Variants in COL23A1 observed in about 807,000 individuals in gnomAD.
COL23A1 encodes collagen type XXIII alpha 1 chain, also known as collagen alpha-1(XXIII) chain.
COL23A1 carries 97 observed loss-of-function variants against 99.3 expected under a neutral mutation model. That is an observed-to-expected ratio of 0.98 (90% CI 0.83 to 1.16). The LOEUF (loss-of-function observed/expected upper bound fraction) is 1.16, where lower values mean the gene tolerates loss of function less well. Among genes scored for constraint, COL23A1 ranks in the 50% most tolerant of loss-of-function variants. The pLI is 0.00. For synonymous variants in COL23A1, 320 were observed against 308.2 expected (o/e 1.04, Z -0.40); for missense variants, 762 against 757.4 (o/e 1.01, Z -0.07).
chr5:178,545,553 G>A (rs888507336), intron 2 of COL23A1, among the ~76,000 whole-genome samples: 3 of 152,100 alleles, frequency 2.0e-5, no homozygotes, highest in African/African-American at 4.8e-5. Flanking sequence ...TTTAACACTC[G>A]GCCTGCCAAT....
intron 2 of COL23A1, among the ~76,000 whole-genome samples, chr5:178,529,505 T>A (rs1190105809): frequency 6.6e-6 from 1 of 152,184 alleles, no homozygotes; most frequent in African/African-American, 2.4e-5. Flanking sequence ...ATGCCTGAAG[T>A]GAGAAATCTA....
At chr5:178,574,086 T>C (rs1193928024) in intron 1 of COL23A1, among the ~76,000 whole-genome samples, 1 of 152,190 alleles carries the variant, frequency 6.6e-6, no homozygotes, top group African/African-American at 2.4e-5. Context: ...CTTGAACTCC[T>C]GACCTCAAGT....
At chr5:178,461,692 G>T (rs908708439) in intron 2 of COL23A1, among the ~76,000 whole-genome samples, 6 of 152,132 alleles carry the variant, frequency 3.9e-5, no homozygotes, top group African/African-American at 7.2e-5. Flanking sequence ...TGTAATACAA[G>T]GTAGAGAACC....
intron 1 of COL23A1, among the ~76,000 whole-genome samples, chr5:178,574,815 A>C (rs970102493): frequency 6.6e-6 from 1 of 152,212 alleles, no homozygotes; most frequent in African/African-American, 2.4e-5. Flanking sequence ...GGAGAGAATG[A>C]GGACACCATC....
At position 178,259,709 on chromosome 5, in the gene COL23A1, G is replaced by T; in HGVS notation, c.729+12C>A. The T allele has an allele frequency of 6.3e-7, 1 of 1,585,602 alleles. No individual in the cohort carries two copies. Among genetic ancestry groups the T allele is most frequent in the Non-Finnish European group, 8.6e-7 (1 of 1,162,502 alleles). ...ACACTGACCCGGAAGCTCCTCCATT[G>T]GCCCCTCTCACCTTCTTTCCAGGTA... On this transcript the variant is annotated intron_variant, in intron 12 of 28. Coordinates refer to ENST00000390654, the MANE Select transcript of COL23A1 (RefSeq NM_173465.4).
intron 2 of COL23A1, among the ~76,000 whole-genome samples, chr5:178,422,751 T>C (rs1765705235): frequency 6.6e-6 from 1 of 152,114 alleles, no homozygotes; most frequent in Non-Finnish European, 1.5e-5. Flanking sequence ...CCCCAAACTG[T>C]CCCTTGTCCT....
intron 2 of COL23A1, among the ~76,000 whole-genome samples, chr5:178,420,349 C>T (rs1765537701): frequency 2.0e-5 from 3 of 151,282 alleles, no homozygotes; most frequent in Non-Finnish European, 4.4e-5. Context: ...CCACTCCCTC[C>T]TCCCCTGCCC....
intron 2 of COL23A1, among the ~76,000 whole-genome samples, chr5:178,541,542 T>A (rs1276313407): frequency 6.6e-6 from 1 of 152,198 alleles, no homozygotes; most frequent in Non-Finnish European, 1.5e-5. Context: ...GCCACTGCAC[T>A]CCAGCCTGGG....
At chr5:178,386,827 A>G (rs757530384) in intron 2 of COL23A1, among the ~76,000 whole-genome samples, 1 of 152,176 alleles carries the variant, frequency 6.6e-6, no homozygotes, top group Non-Finnish European at 1.5e-5. Context: ...GCACACTCCT[A>G]TGGCCGTGGG....
rs61375083 is a variant in COL23A1, at chr5:178,311,511, T to TGTGC, written c.362-4593_362-4592insGCAC. 3.7e-3 allele frequency among the ~76,000 whole-genome samples: 201 copies of TGTGC among 54,234 alleles called. 4 individuals carry two copies. Among genetic ancestry groups the TGTGC allele is most frequent in the African/African-American group, 9.7e-3 (181 of 18,684 alleles). 35.6% of individuals were successfully genotyped at this position (54,234 alleles called of 152,430 possible). A position where few individuals can be genotyped will look rare whatever the true frequency, so the allele number is the denominator to read the frequency against. ...GTGTGTGTGTGTGTGTGTGTGCGCG[T>TGTGC]GTGTGTGTGTGTGTGTGTGTAATGC... On this transcript the variant is annotated intron_variant, in intron 2 of 28. Coordinates refer to ENST00000390654, the MANE Select transcript of COL23A1 (RefSeq NM_173465.4).
chr5:178,279,406 A>G (rs1157335737), intron 5 of COL23A1, among the ~76,000 whole-genome samples: 1 of 152,114 alleles, frequency 6.6e-6, no homozygotes, highest in African/African-American at 2.4e-5. Context: ...CTTGGCTCGC[A>G]CACCCCTGGT....
At chr5:178,403,930 T>G (rs1439149620) in intron 2 of COL23A1, among the ~76,000 whole-genome samples, 1 of 152,200 alleles carries the variant, frequency 6.6e-6, no homozygotes, top group Non-Finnish European at 1.5e-5. Context: ...TTGTCCAGCT[T>G]CTCGTAACAA....
chr5:178,480,202 C>T (rs1469505291), intron 2 of COL23A1, among the ~76,000 whole-genome samples: 2 of 151,626 alleles, frequency 1.3e-5, no homozygotes, highest in Admixed American at 6.6e-5. Flanking sequence ...GAAGCCTGAT[C>T]AGGAAGTTGA....
chr5:178,553,766 C>T (rs1296573310), intron 2 of COL23A1, among the ~76,000 whole-genome samples: 2 of 152,204 alleles, frequency 1.3e-5, no homozygotes, highest in African/African-American at 4.8e-5. Context: ...CCAGCATCTT[C>T]ATACCCACGT....
chr5:178,257,000 C>A (rs1388263504), intron 13 of COL23A1, 72 bp from the exon 14 acceptor site: 17 of 1,452,764 alleles, frequency 1.2e-5, no homozygotes, highest in Non-Finnish European at 1.6e-5. Context: ...GGGGGGCGTG[C>A]CTCGGGGTTG....
At chr5:178,550,661 A>C (rs543669207) in intron 2 of COL23A1, among the ~76,000 whole-genome samples, 1 of 152,190 alleles carries the variant, frequency 6.6e-6, no homozygotes, top group African/African-American at 2.4e-5. Flanking sequence ...ATAAGAAGTC[A>C]GGTAAGAAGC....
chr5:178,249,716 A>ACACACACTCTCTCTCTCTCT, intron 18 of COL23A1, among the ~76,000 whole-genome samples: 21 of 92,800 alleles, frequency 2.3e-4, no homozygotes, highest in African/African-American at 4.3e-4. Context: ...ACACACACAC[A>ACACACACTCTCTCTCTCTCT]CTCTCTCTCT....
At position 178,306,866 on chromosome 5, in the gene COL23A1, G is replaced by T. The variant is rs982188936; in HGVS notation, c.406+9C>A. On this transcript the variant is annotated intron_variant, in intron 3 of 28. Coordinates refer to ENST00000390654, the MANE Select transcript of COL23A1 (RefSeq NM_173465.4). This position sits in a 1 kb window ranked among gnomAD's most constrained non-coding sequence, Gnocchi z 4.1. Reference sequence around the variant, plus strand: ...CTTGGCTTAGGAGCTGAGAAAACCTGGGACTCACCAGGGTCGCCTCTTCTC... The same window carrying T: ...CTTGGCTTAGGAGCTGAGAAAACCTTGGACTCACCAGGGTCGCCTCTTCTC... The T allele has an allele frequency of 6.6e-7, 1 of 1,518,370 alleles. No homozygotes were observed. The highest frequency in any genetic ancestry group is 8.8e-7 in the Non-Finnish European group (1 of 1,131,504). 94.1% of individuals were successfully genotyped at this position (1,518,370 alleles called of 1,614,324 possible).
intron 2 of COL23A1, among the ~76,000 whole-genome samples, chr5:178,429,136 TACAGCTCCTCA>T (rs1766113909): frequency 6.6e-6 from 1 of 152,198 alleles, no homozygotes; most frequent in Non-Finnish European, 1.5e-5. Context: ...TCAGCGCCTT[TACAGCTCCTCA>T]CAGCCTGGGG....
Sources: gnomAD v4.1 joint callset for allele counts (sites outside exome capture counted in the v4.1 genomes callset) on GRCh38, gnomAD v4.1.1 for gene constraint, Gnocchi (gnomAD v3.1) non-coding constraint, MANE v1.5 for transcripts, NCBI Gene and HGNC (gene_info 2026-07-23, HGNC 2026-07-21) for gene names.